Variants in PCDHA12 observed in about 807,000 individuals in gnomAD.
The protein encoded by PCDHA12 is protocadherin alpha-12.
PCDHA12 carries 44 observed loss-of-function variants against 60.0 expected under a neutral mutation model. The observed-to-expected ratio is 0.73, with a 90% CI of 0.58 to 0.94. The LOEUF is 0.94. Ranked by LOEUF, PCDHA12 falls within the 40% of genes least tolerant of loss-of-function variation. The pLI is 0.00. For missense variants in PCDHA12, 1,276 were observed against 1,239.7 expected (o/e 1.03, Z -0.44); for synonymous variants, 569 against 553.0 (o/e 1.03, Z -0.40).
At position 140,937,140 on chromosome 5, in the gene PCDHA12, C is replaced by T. The variant is rs553273845; in HGVS notation, c.2368-41809C>T. Among the ~76,000 whole-genome samples, 820 of 151,358 alleles carry T rather than the reference C, an allele frequency of 5.4e-3. 1 individual carries two copies. The highest frequency in any genetic ancestry group is 0.019 in the African/African-American group (789 of 41,228). On this transcript the variant is annotated intron_variant, in intron 1 of 3. Transcript: ENST00000398631. Reference sequence around the variant, plus strand: ...GCAAGCTCCGCCTCCCGGGTTCATGCCATTCTCCTGCCTCAGCCTCCCGAG... The same window carrying T: ...GCAAGCTCCGCCTCCCGGGTTCATGTCATTCTCCTGCCTCAGCCTCCCGAG...
intron 3 of PCDHA12, among the ~76,000 whole-genome samples, chr5:140,987,487 C>A (rs868928905): frequency 6.6e-6 from 1 of 152,154 alleles, no homozygotes; most frequent in Non-Finnish European, 1.5e-5. Flanking sequence ...GTCAGTGACC[C>A]TTTCTGAATT....
chr5:141,007,377 AC>A lies in PCDHA12; in HGVS notation c.2516-2248del, dbSNP rs1563708435. Among the ~76,000 whole-genome samples, 4 of 136,616 alleles carry A rather than the reference AC, an allele frequency of 2.9e-5. No individual in the cohort carries two copies. The East Asian group carries it at 8.7e-4, about 30-fold the overall frequency. The allele number at this position is 136,616 out of a possible 152,430, so 89.6% of individuals were successfully genotyped here. ...ACCAGCCTGGGCAACATGATGGAAC[AC>A]CATCTCTACTAAAATACAAAAAAAA... On this transcript the variant is annotated intron_variant, in intron 3 of 3. Transcript: ENST00000398631.
intron 1 of PCDHA12, among the ~76,000 whole-genome samples, chr5:140,943,588 T>C (rs1179171934): frequency 1.3e-5 from 2 of 152,176 alleles, no homozygotes; most frequent in Non-Finnish European, 2.9e-5. Context: ...TGAGTGGGGC[T>C]GAATTCTAAA....
intron 1 of PCDHA12, chr5:140,927,988 G>A (rs782075633): frequency 6.2e-6 from 10 of 1,614,200 alleles, no homozygotes; most frequent in South Asian, 1.1e-5. Flanking sequence ...TAGTGTAAAG[G>A]ATGAAGACCT....
intron 1 of PCDHA12, among the ~76,000 whole-genome samples, chr5:140,974,558 C>A (rs984567503): frequency 4.5e-4 from 68 of 152,132 alleles, no homozygotes; most frequent in African/African-American, 1.6e-3. Context: ...GTTGCCCAGG[C>A]TGGAGTGCAA....
intron 1 of PCDHA12, among the ~76,000 whole-genome samples, chr5:140,964,342 C>T (rs2095825714): frequency 6.6e-6 from 1 of 152,184 alleles, no homozygotes; most frequent in Non-Finnish European, 1.5e-5. Context: ...TGGCAGGTGT[C>T]CTTGCTGGAA....
chr5:140,926,780 G>A, intron 1 of PCDHA12: 2 of 1,397,714 alleles, frequency 1.4e-6, no homozygotes, highest in Non-Finnish European at 1.9e-6. Context: ...CAGCAGTGAC[G>A]GCCGGCAGGA....
At chr5:140,928,041 C>T (rs2084880685) in intron 1 of PCDHA12, 3 of 1,613,398 alleles carry the variant, frequency 1.9e-6, no homozygotes, top group Non-Finnish European at 2.5e-6. Context: ...CTAGTGCAGG[C>T]CCTTTTCAGC....
intron 3 of PCDHA12, among the ~76,000 whole-genome samples, chr5:140,984,112 A>G (rs2097087288): frequency 6.6e-6 from 1 of 152,244 alleles, no homozygotes; most frequent in Admixed American, 6.5e-5. Flanking sequence ...GTGGTTTTAG[A>G]CTGCCAAGTG....
chr5:140,961,400 C>T (rs929653995), intron 1 of PCDHA12, among the ~76,000 whole-genome samples: 10 of 152,186 alleles, frequency 6.6e-5, no homozygotes, highest in African/African-American at 2.4e-4. Context: ...TTAGTAAACA[C>T]TTTTTGGCAT....
In PCDHA12 at chr5:141,000,416, TATATA is replaced by T. The variant is rs1214257718; in HGVS notation, c.2516-9210_2516-9206del. On this transcript the variant is annotated intron_variant, in intron 3 of 3. Coordinates refer to ENST00000398631, the MANE Select transcript of PCDHA12 (RefSeq NM_018903.4). ...CTCTCTATATATATATATATATATA[TATATA>T]TTTTTTTTTTTTTTTTTTTTTTTGA... 2.1e-3 allele frequency among the ~76,000 whole-genome samples: 195 copies of T among 93,382 alleles called. 1 individual carries two copies. Among genetic ancestry groups the T allele is most frequent in the African/African-American group, 4.2e-3 (94 of 22,362 alleles). 61.3% of individuals were successfully genotyped at this position (93,382 alleles called of 152,430 possible). A position where few individuals can be genotyped will look rare whatever the true frequency, so the allele number is the denominator to read the frequency against.
At chr5:140,966,455 C>G (rs376758355) in intron 1 of PCDHA12, 20 of 426,928 alleles carry the variant, frequency 4.7e-5, no homozygotes, top group East Asian at 2.8e-4. Flanking sequence ...CCCCCTCCCC[C>G]TCTGTCTTCC....
At chr5:140,889,169 G>A (rs2062128594) in intron 1 of PCDHA12, among the ~76,000 whole-genome samples, 1 of 151,182 alleles carries the variant, frequency 6.6e-6, no homozygotes, top group African/African-American at 2.4e-5. Flanking sequence ...AAGTATTCAA[G>A]TTATAAATAA....
intron 1 of PCDHA12, among the ~76,000 whole-genome samples, chr5:140,879,490 C>T (rs2058010245): frequency 2.0e-5 from 3 of 152,090 alleles, no homozygotes; most frequent in Admixed American, 2.0e-4. Flanking sequence ...AAATATGGGT[C>T]TGGATCTCAG....
chr5:140,885,164 T>G (rs2060495549), intron 1 of PCDHA12, among the ~76,000 whole-genome samples: 1 of 151,598 alleles, frequency 6.6e-6, no homozygotes, highest in African/African-American at 2.4e-5. Context: ...TCTCTACTTT[T>G]TTGTCCTCTA....
chr5:140,882,466 G>A (rs782656797), intron 1 of PCDHA12: 1 of 1,614,028 alleles, frequency 6.2e-7, no homozygotes, highest in South Asian at 1.1e-5. Flanking sequence ...TGTTCCGGGT[G>A]GCGTCCAAAA....
chr5:140,928,155 C>T, intron 1 of PCDHA12: 2 of 1,614,178 alleles, frequency 1.2e-6, no homozygotes, highest in Non-Finnish European at 1.7e-6. Flanking sequence ...CAGATAGTGG[C>T]TCACCCCCAC....
chr5:140,882,501 A>G lies in PCDHA12; in HGVS notation c.2367+4662A>G, dbSNP rs782169319. On this transcript the variant is annotated intron_variant, in intron 1 of 3. Transcript: ENST00000398631. Reference sequence around the variant, plus strand: ...AGACACGGGGACCTTCTGGAGGTAAATCTGCAGAATGGCATTTTGTTTGTG... The same window carrying G: ...AGACACGGGGACCTTCTGGAGGTAAGTCTGCAGAATGGCATTTTGTTTGTG... 1 of 1,614,098 alleles carries G rather than the reference A, an allele frequency of 6.2e-7. No individual in the cohort carries two copies. Among genetic ancestry groups the G allele is most frequent in the Non-Finnish European group, 8.5e-7 (1 of 1,180,032 alleles).
chr5:140,881,453 C>T (rs554262236), intron 1 of PCDHA12: 48 of 714,052 alleles, frequency 6.7e-5, no homozygotes, highest in Admixed American at 6.2e-5. Context: ...GAATCCAAAA[C>T]CTTAGAGCAT....
Sources: allele counts gnomAD v4.1 joint callset (sites outside exome capture counted in the v4.1 genomes callset), GRCh38; gene constraint gnomAD v4.1.1; transcripts MANE v1.5; gene names NCBI Gene and HGNC (gene_info 2026-07-23, HGNC 2026-07-21).